Variants in EFHB observed in about 807,000 individuals in gnomAD.
EFHB encodes the protein EF-hand domain-containing family member B.
EFHB carries 91 observed loss-of-function variants against 87.2 expected under a neutral mutation model. That is an observed-to-expected ratio of 1.04 (90% CI 0.88 to 1.24). The LOEUF is 1.24. Ranked by LOEUF, EFHB falls within the 50% of genes most tolerant of loss-of-function variation. EFHB has a pLI of 0.00. For missense variants in EFHB, 1,084 were observed against 998.8 expected (o/e 1.09, Z -1.15); for synonymous variants, 325 against 333.6 (o/e 0.97, Z 0.28).
intron 1 of EFHB, among the ~76,000 whole-genome samples, chr3:19,928,741 G>A (rs73190453): frequency 0.019 from 2,953 of 152,168 alleles, 78 homozygotes; most frequent in African/African-American, 0.064. Flanking sequence ...CACCGTGCCC[G>A]TCCAAAAGAC....
At chr3:19,904,076 T>C (rs575304759) in intron 6 of EFHB, among the ~76,000 whole-genome samples, 1 of 152,282 alleles carries the variant, frequency 6.6e-6, no homozygotes, top group East Asian at 1.9e-4. Flanking sequence ...GTGAGGCAGG[T>C]TGGATACCTG....
chr3:19,905,243 T>C (rs1694800617), intron 6 of EFHB, among the ~76,000 whole-genome samples: 1 of 152,140 alleles, frequency 6.6e-6, no homozygotes, highest in Non-Finnish European at 1.5e-5. Flanking sequence ...TAGAGCAAGA[T>C]GCTGTCTCAA....
intron 1 of EFHB, chr3:19,943,046 T>A: frequency 3.1e-6 from 1 of 323,918 alleles, no homozygotes; most frequent in Non-Finnish European, 6.1e-6. Context: ...GAAGGGCCAA[T>A]GCTTCATATC....
At chr3:19,931,984 G>T (rs1196774081) in intron 1 of EFHB, among the ~76,000 whole-genome samples, 2 of 152,048 alleles carry the variant, frequency 1.3e-5, no homozygotes, top group African/African-American at 4.8e-5. Context: ...TGTTTCCCTG[G>T]CTTCTTTACC....
At position 19,905,757 on chromosome 3, in the gene EFHB, A is replaced by G; in HGVS notation, c.1289-8T>C. 2 of 1,600,744 alleles carry G rather than the reference A, an allele frequency of 1.2e-6. No homozygotes were observed. Among genetic ancestry groups the G allele is most frequent in the Non-Finnish European group, 1.7e-6 (2 of 1,170,846 alleles). On this transcript the variant is annotated splice_polypyrimidine_tract_variant and splice_region_variant and intron_variant, in intron 5 of 12. Transcript: ENST00000295824. ...TTCGGTTCTTTGCCTCTCCTGTGGA[A>G]AAAGAAAGGAAGACTTATGACTTAA...
intron 1 of EFHB, chr3:19,941,169 A>G: frequency 2.6e-6 from 1 of 385,144 alleles, no homozygotes; most frequent in South Asian, 3.3e-5. Flanking sequence ...TAGAACCACC[A>G]TCCAGGAAAA....
At chr3:19,934,814 T>C (rs1255289634), upstream of EFHB, among the ~76,000 whole-genome samples, 2 of 152,168 alleles carry the variant, frequency 1.3e-5, no homozygotes, top group African/African-American at 4.8e-5. Context: ...GACTTTAAAT[T>C]CTAGAAATAT....
At position 19,901,922 on chromosome 3, in the gene EFHB, C is replaced by G. The variant is rs1183542401; in HGVS notation, c.1419-2407G>C. On this transcript the variant is annotated intron_variant, in intron 6 of 12. Transcript: ENST00000295824. ...CCAAGATCACACCACTGCACTCCAG[C>G]CTGGGCAACAGAGTGAAACTCTGTC... is the stretch of plus-strand genomic sequence containing the variant. Among the ~76,000 whole-genome samples the G allele has an allele frequency of 2.0e-5, 3 of 151,638 alleles. No homozygotes were observed. In the South Asian group the frequency reaches 6.3e-4, roughly 32 times the overall value.
At chr3:19,943,236 C>T (rs984394062) in intron 1 of EFHB, 5 of 262,538 alleles carry the variant, frequency 1.9e-5, no homozygotes, top group African/African-American at 6.9e-5. Context: ...TGGCAATTAC[C>T]TCTATTTTTA....
chr3:19,895,489 A>C (rs1694451559), intron 9 of EFHB, among the ~76,000 whole-genome samples: 1 of 152,136 alleles, frequency 6.6e-6, no homozygotes, highest in Non-Finnish European at 1.5e-5. Context: ...TCAAAAAAAA[A>C]AAAAAGGAAT....
At chr3:19,882,504 G>A in intron 12 of EFHB, 46 bp downstream of exon 12, 1 of 1,407,862 alleles carries the variant, frequency 7.1e-7, no homozygotes, top group Non-Finnish European at 9.4e-7. Context: ...AATAGTAGTT[G>A]TTGATAGAGA....
intron 11 of EFHB, among the ~76,000 whole-genome samples, chr3:19,882,994 TTTTTTC>T (rs1000332591): frequency 1.3e-5 from 2 of 152,114 alleles, no homozygotes; most frequent in African/African-American, 4.8e-5. Flanking sequence ...AACATGACTT[TTTTTTC>T]TTTTTCTTTT....
Position 19,933,760 on chromosome 3 carries a change from C to T in EFHB, c.259G>A (p.Gly87Ser). 2 of 1,613,956 alleles carry T rather than the reference C, an allele frequency of 1.2e-6. No individual in the cohort carries two copies. Among genetic ancestry groups the T allele is most frequent in the Admixed American group, 1.7e-5 (1 of 60,004 alleles). Reference protein sequence around the residue: ...QNISRTVMQRGSLGVDSVSAS... With the variant: ...QNISRTVMQRSSLGVDSVSAS... ...GAGACACTGTCGACTCCTAAACTAC[C>T]CCTCTGCATGACAGTCCTAGAAATA... Residue 87 changes from glycine to serine, a missense_variant, in exon 1 of 13, where the codon GGT becomes AGT. Physicochemically the swap from Gly to Ser is moderately conservative, Grantham distance 56. Coordinates refer to ENST00000295824, the MANE Select transcript of EFHB (RefSeq NM_144715.4).
intron 9 of EFHB, among the ~76,000 whole-genome samples, chr3:19,891,795 T>G (rs1163211474): frequency 6.6e-6 from 1 of 152,168 alleles, no homozygotes; most frequent in Non-Finnish European, 1.5e-5. Flanking sequence ...ACCATCCAGA[T>G]TGCCAACATT....
chr3:19,902,584 C>T (rs112778399), intron 6 of EFHB, among the ~76,000 whole-genome samples: 8,196 of 151,960 alleles, frequency 0.054, 658 homozygotes, highest in African/African-American at 0.18. Context: ...GAACTCCTGA[C>T]CTTGTGATCT....
At chr3:19,896,868 C>G in intron 8 of EFHB, 27 bp from the exon 9 acceptor site, 1 of 1,543,414 alleles carries the variant, frequency 6.5e-7, no homozygotes, top group Non-Finnish European at 8.7e-7. Context: ...AAACTTTTTA[C>G]ATAAATTTAA....
intron 5 of EFHB, among the ~76,000 whole-genome samples, chr3:19,908,392 G>A (rs1156602793): frequency 6.6e-6 from 1 of 151,906 alleles, no homozygotes; most frequent in Non-Finnish European, 1.5e-5. Context: ...AATTAGCCAG[G>A]CATGGTGGCG....
chr3:19,902,988 C>G (rs981054590), intron 6 of EFHB, among the ~76,000 whole-genome samples: 3 of 151,922 alleles, frequency 2.0e-5, no homozygotes, highest in Admixed American at 2.0e-4. Context: ...ACCAGCCTGA[C>G]GATCATGGTG....
chr3:19,896,888 A>G (rs1269893999), intron 8 of EFHB, 47 bp from the exon 9 acceptor site: 1 of 1,476,584 alleles, frequency 6.8e-7, no homozygotes. Flanking sequence ...AAGTCTTTCT[A>G]TATTATTTCT....
Sources: allele counts gnomAD v4.1 joint callset (sites outside exome capture counted in the v4.1 genomes callset), GRCh38; gene constraint gnomAD v4.1.1; transcripts MANE v1.5; gene names NCBI Gene and HGNC (gene_info 2026-07-23, HGNC 2026-07-21).